The following SH3KBP1 variants were observed in gnomAD, a reference collection of about 807,000 sequenced individuals.
SH3KBP1 encodes the protein SH3 domain-containing kinase-binding protein 1.
In SH3KBP1, 8 loss-of-function variants were observed where a neutral mutation model predicts 50.1. The ratio of observed to expected loss-of-function variants is 0.16; its 90% CI spans 0.09 to 0.29. The LOEUF is 0.29. Among genes scored for constraint, SH3KBP1 ranks in the 10% least tolerant of loss-of-function variants. The pLI is 1.00. For missense variants in SH3KBP1, 377 were observed against 535.2 expected (o/e 0.70, Z 2.92); for synonymous variants, 227 against 218.6 (o/e 1.04, Z -0.34).
chrX:19,670,456 C>G (rs1389104978), intron 6 of SH3KBP1: 2 of 528,519 alleles, frequency 3.8e-6, no homozygotes, highest in East Asian at 1.8e-4. Flanking sequence ...GCACAAACAT[C>G]TGTAATTGCT....
intron 8 of SH3KBP1, among the ~76,000 whole-genome samples, chrX:19,625,616 T>C (rs768349402): frequency 6.3e-5 from 7 of 111,906 alleles, no homozygotes; most frequent in East Asian, 5.6e-4. Flanking sequence ...ATCGGAAACA[T>C]AGATTTCAAA....
chrX:19,548,120 A>T (rs372444586), intron 14 of SH3KBP1, among the ~76,000 whole-genome samples: 15 of 112,387 alleles, frequency 1.3e-4, no homozygotes, highest in Admixed American at 1.3e-3. Context: ...TAGGGGATAG[A>T]TGTCTATAAA....
At chrX:19,784,456 T>C (rs191822255) in intron 2 of SH3KBP1, among the ~76,000 whole-genome samples, 1 of 111,440 alleles carries the variant, frequency 9.0e-6, no homozygotes, top group East Asian at 2.8e-4. Flanking sequence ...TAAGAAACAC[T>C]ATATCCTGAC....
chrX:19,658,693 T>C (rs2062361323), intron 6 of SH3KBP1, among the ~76,000 whole-genome samples: 1 of 108,010 alleles, frequency 9.3e-6, no homozygotes, highest in Admixed American at 1.0e-4. Flanking sequence ...GCCTCCCGAG[T>C]AGCTGCAGGC....
intron 13 of SH3KBP1, among the ~76,000 whole-genome samples, chrX:19,555,945 C>T (rs2065474330): frequency 8.9e-6 from 1 of 112,075 alleles, no homozygotes. Flanking sequence ...ACTGACATTT[C>T]CTGTTGACTT....
chrX:19,763,103 C>T (rs1008328654), intron 2 of SH3KBP1, among the ~76,000 whole-genome samples: 29 of 111,624 alleles, frequency 2.6e-4, no homozygotes, highest in Non-Finnish European at 3.0e-4. Flanking sequence ...AAGTCCTCTG[C>T]GATTACAAAC....
intron 3 of SH3KBP1, among the ~76,000 whole-genome samples, chrX:19,720,631 CAT>C (rs1311572322): frequency 2.7e-5 from 3 of 111,837 alleles, no homozygotes; most frequent in African/African-American, 6.5e-5. Context: ...CTCCCTCTAA[CAT>C]ATCTATTTTT....
chrX:19,634,031 G>GGTGTAT (rs2061638437), intron 7 of SH3KBP1, among the ~76,000 whole-genome samples: 1 of 32,159 alleles, frequency 3.1e-5, no homozygotes, highest in Non-Finnish European at 6.0e-5. Flanking sequence ...TTTGTTCCCT[G>GGTGTAT]GTGTGTGTGT....
intron 2 of SH3KBP1, among the ~76,000 whole-genome samples, chrX:19,757,182 G>A (rs1289736129): frequency 1.1e-5 from 1 of 94,159 alleles, no homozygotes; most frequent in Non-Finnish European, 2.1e-5. Context: ...AAGTGTGAAC[G>A]GAAAATAAAT....
chrX:19,636,045 G>A (rs1243818932), intron 7 of SH3KBP1, among the ~76,000 whole-genome samples: 1 of 110,519 alleles, frequency 9.0e-6, no homozygotes, highest in East Asian at 2.8e-4. Flanking sequence ...GAGAAGAAGG[G>A]AATTAAATTA....
At chrX:19,670,938 TC>T (rs1486395007) in intron 6 of SH3KBP1, 1 of 1,137,323 alleles carries the variant, frequency 8.8e-7, no homozygotes, top group Non-Finnish European at 1.2e-6. Context: ...TCCTCCCACT[TC>T]CTTCCAACAG....
rs2065198662 is a variant in SH3KBP1, at chrX:19,550,165, A to C, written c.1385-82T>G. 2.5e-5 allele frequency: 15 copies of C among 609,882 alleles called. No homozygotes were observed. The South Asian group carries it at 3.5e-4, about 14-fold the overall frequency. 50.3% of individuals were successfully genotyped at this position (609,882 alleles called of 1,213,427 possible). Reference sequence around the variant, plus strand: ...TATGTCATAAGCACCTCTCTTCCTCAATAATAATCCTTTCTGTCTGGATTA... The same window carrying C: ...TATGTCATAAGCACCTCTCTTCCTCCATAATAATCCTTTCTGTCTGGATTA... On this transcript the variant is annotated intron_variant, in intron 13 of 17. Transcript: ENST00000397821.
intron 2 of SH3KBP1, among the ~76,000 whole-genome samples, chrX:19,831,294 A>G (rs1004029770): frequency 6.5e-5 from 7 of 107,997 alleles, no homozygotes; most frequent in Admixed American, 6.0e-4. Context: ...GTGTGCACCT[A>G]TAGTCCCAGC....
At position 19,695,491 on chromosome X, in the gene SH3KBP1, A is replaced by C. The variant is rs1038578271; in HGVS notation, c.520+121T>G. Reference sequence around the variant, plus strand: ...ACAGTGGGTTAAGGCAGTATAACCAAAAAAATACTCGTAAGCGTTTACTAT... The same window carrying C: ...ACAGTGGGTTAAGGCAGTATAACCACAAAAATACTCGTAAGCGTTTACTAT... On this transcript the variant is annotated intron_variant, in intron 5 of 17. Transcript: ENST00000397821. 3 of 939,313 alleles carry C rather than the reference A, an allele frequency of 3.2e-6. No homozygotes were observed. In the Admixed American group the frequency reaches 8.6e-5, roughly 27 times the overall value. The allele number at this position is 939,313 out of a possible 1,213,427, so 77.4% of individuals were successfully genotyped here. A position where few individuals can be genotyped will look rare whatever the true frequency, so the allele number is the denominator to read the frequency against.
intron 1 of SH3KBP1, among the ~76,000 whole-genome samples, chrX:19,851,856 C>A (rs1381812608): frequency 4.5e-5 from 5 of 111,755 alleles, no homozygotes; most frequent in Non-Finnish European, 9.4e-5. Flanking sequence ...CTCTTAAAAT[C>A]TTGTGTCAGG....
intron 13 of SH3KBP1, among the ~76,000 whole-genome samples, chrX:19,565,051 ATT>A (rs59323105): frequency 3.0e-5 from 2 of 66,518 alleles, no homozygotes; most frequent in South Asian, 7.1e-4. Context: ...TTCAACTCCA[ATT>A]TTTTTTTTTT....
chrX:19,592,214 T>A, intron 10 of SH3KBP1, 67 bp from the exon 11 acceptor site: 1 of 896,619 alleles, frequency 1.1e-6, no homozygotes, highest in Non-Finnish European at 1.6e-6. Flanking sequence ...CCCACCAGCA[T>A]TTAAATCTTT....
chrX:19,637,979 A>C (rs1179441188), intron 7 of SH3KBP1, among the ~76,000 whole-genome samples: 1 of 109,742 alleles, frequency 9.1e-6, no homozygotes, highest in Non-Finnish European at 1.9e-5. Context: ...CTGGAGGCTA[A>C]GGCAGGAGAA....
rs760379007 is a variant in SH3KBP1 at position 19,569,127 on chromosome X, G to A, written c.1360C>T (p.Leu454Phe). ...SSLSGILDKD[L>F]SDRSNDIDLE... ...CCAATGTCATTGCTGCGGTCCGAGA[G>A]ATCTTTGTCCAGGATGCCAGATAGC... The change falls in exon 13 of 18, where the codon CTC (leucine) becomes TTC (phenylalanine). Residue 454 changes from leucine (L) to phenylalanine (F), a missense_variant. Physicochemically the swap from Leu to Phe is conservative, Grantham distance 22. Coordinates refer to ENST00000397821, the MANE Select transcript of SH3KBP1 (RefSeq NM_031892.3). 7 of 1,209,837 alleles carry A rather than the reference G, an allele frequency of 5.8e-6. No homozygotes were observed. In the South Asian group the frequency reaches 8.8e-5, roughly 15 times the overall value.
Sources: allele counts gnomAD v4.1 joint callset (sites outside exome capture counted in the v4.1 genomes callset), GRCh38; gene constraint gnomAD v4.1.1; transcripts MANE v1.5; gene names NCBI Gene and HGNC (gene_info 2026-07-23, HGNC 2026-07-21).